The following GALNT13 variants were observed in gnomAD, a reference collection of about 807,000 sequenced individuals.
The protein encoded by GALNT13 is polypeptide N-acetylgalactosaminyltransferase 13.
In GALNT13, 28 loss-of-function variants were observed where a neutral mutation model predicts 64.2. That is an observed-to-expected ratio of 0.44 (90% CI 0.32 to 0.60). The LOEUF is 0.60. Ranked by LOEUF, GALNT13 falls within the 20% of genes least tolerant of loss-of-function variation. The pLI, the probability that GALNT13 is intolerant of heterozygous loss-of-function variation, is 0.05. For missense variants in GALNT13, 577 were observed against 669.8 expected, an observed-to-expected ratio of 0.86 and a Z score of 1.53; for synonymous variants, 214 against 224.6, an observed-to-expected ratio of 0.95 and a Z score of 0.42.
chr2:154,442,546 A>G (rs758829920), intron 12 of GALNT13, among the ~76,000 whole-genome samples: 2 of 152,106 alleles, frequency 1.3e-5, no homozygotes, highest in East Asian at 1.9e-4. Context: ...CTTCTGTGCC[A>G]TGAAATGCCT....
At chr2:153,239,988 A>G in the GALNT13 span, among the ~76,000 whole-genome samples, 1 of 152,122 alleles carries the variant, frequency 6.6e-6, no homozygotes, top group Non-Finnish European at 1.5e-5. Context: ...TACAGCGCCA[A>G]TCTCATTACT....
At chr2:153,512,983 TA>T in the GALNT13 span, among the ~76,000 whole-genome samples, 1 of 152,032 alleles carries the variant, frequency 6.6e-6, no homozygotes, top group East Asian at 1.9e-4. Flanking sequence ...TTTGCTAATT[TA>T]AAAAAAATTC....
chr2:153,838,424 A>G, the GALNT13 span, among the ~76,000 whole-genome samples: 1 of 151,974 alleles, frequency 6.6e-6, no homozygotes, highest in East Asian at 1.9e-4. Flanking sequence ...TAGTTTTTGT[A>G]TGTGGTGTAA....
At chr2:154,194,247 A>G (rs1686758338) in intron 4 of GALNT13, among the ~76,000 whole-genome samples, 1 of 152,182 alleles carries the variant, frequency 6.6e-6, no homozygotes, top group African/African-American at 2.4e-5. Flanking sequence ...GTTTTTATTA[A>G]TTACAAGTTA....
chr2:153,996,244 A>G (rs1164425470), intron 3 of GALNT13, among the ~76,000 whole-genome samples: 1 of 152,108 alleles, frequency 6.6e-6, no homozygotes, highest in Non-Finnish European at 1.5e-5. Flanking sequence ...TTTTTGAGGA[A>G]CTTCTATACT....
chr2:153,231,662 A>AT, the GALNT13 span, among the ~76,000 whole-genome samples: 1 of 151,910 alleles, frequency 6.6e-6, no homozygotes, highest in Non-Finnish European at 1.5e-5. Flanking sequence ...TGTTACGTTT[A>AT]TTTTTTTCTT....
At chr2:153,565,196 C>T in the GALNT13 span, among the ~76,000 whole-genome samples, 1 of 151,980 alleles carries the variant, frequency 6.6e-6, no homozygotes, top group South Asian at 2.1e-4. Flanking sequence ...TATTATGCAT[C>T]CATAGAAAAC....
At chr2:153,360,713 T>C in the GALNT13 span, among the ~76,000 whole-genome samples, 1 of 151,960 alleles carries the variant, frequency 6.6e-6, no homozygotes, top group Non-Finnish European at 1.5e-5. Context: ...GACAGAATTT[T>C]GATCTCCCTG....
At chr2:153,857,562 T>C in the GALNT13 span, among the ~76,000 whole-genome samples, 1 of 152,284 alleles carries the variant, frequency 6.6e-6, no homozygotes, top group East Asian at 1.9e-4. Flanking sequence ...TTTAACCACT[T>C]AGATCAAAGG....
chr2:153,403,477 C>G, the GALNT13 span, among the ~76,000 whole-genome samples: 1 of 152,194 alleles, frequency 6.6e-6, no homozygotes, highest in Non-Finnish European at 1.5e-5. Context: ...TTCCTGGCTG[C>G]TTTGTTTACC....
intron 3 of GALNT13, among the ~76,000 whole-genome samples, chr2:154,044,958 AGCTG>A (rs146667380): frequency 0.049 from 7,395 of 152,212 alleles, 238 homozygotes; most frequent in South Asian, 0.11. Context: ...ATTAGATTTT[AGCTG>A]GGCCTAGGAG....
chr2:153,944,334 T>C, intron 2 of GALNT13, 60 bp from the exon 3 acceptor site: 2 of 577,766 alleles, frequency 3.5e-6, no homozygotes, highest in Non-Finnish European at 6.0e-6. Context: ...ATGTTATATG[T>C]TCTTTATCCA....
the GALNT13 span, among the ~76,000 whole-genome samples, chr2:153,658,093 C>T: frequency 6.6e-6 from 1 of 151,974 alleles, no homozygotes; most frequent in Non-Finnish European, 1.5e-5. Flanking sequence ...CATTCAAGAC[C>T]CCTTCTCAGG....
chr2:154,349,937 A>G (rs1696297111), intron 9 of GALNT13, among the ~76,000 whole-genome samples: 1 of 152,242 alleles, frequency 6.6e-6, no homozygotes, highest in Non-Finnish European at 1.5e-5. Flanking sequence ...GAATCTAGCC[A>G]TTAGACTGTG....
At chr2:154,041,396 T>G (rs1233367859) in intron 3 of GALNT13, among the ~76,000 whole-genome samples, 1 of 140,582 alleles carries the variant, frequency 7.1e-6, no homozygotes, top group Non-Finnish European at 1.6e-5. Flanking sequence ...GAGATTAGTG[T>G]AGAAATATGC....
chr2:154,452,101 T>A lies in GALNT13; in HGVS notation c.*1550T>A, dbSNP rs954946121. Reference sequence around the variant, plus strand: ...TGGTATTCCTTCCTCTTTTGACTTTTTATTGGTACAACTGTAGGGAAGAAT... The same window carrying A: ...TGGTATTCCTTCCTCTTTTGACTTTATATTGGTACAACTGTAGGGAAGAAT... On this transcript the variant is annotated 3_prime_UTR_variant, in exon 13 of 13. Transcript: ENST00000392825. The A allele has an allele frequency of 7.2e-5, 11 of 152,172 alleles. No homozygotes were observed. The highest frequency in any genetic ancestry group is 1.5e-4 in the Non-Finnish European group (10 of 68,042). 9.4% of individuals were successfully genotyped at this position (152,172 alleles called of 1,614,324 possible). A position where few individuals can be genotyped will look rare whatever the true frequency, so the allele number is the denominator to read the frequency against.
At chr2:153,532,383 A>G in the GALNT13 span, among the ~76,000 whole-genome samples, 11 of 152,140 alleles carry the variant, frequency 7.2e-5, no homozygotes, top group Non-Finnish European at 1.5e-4. Flanking sequence ...CCAAGGCTGC[A>G]TGAGACAGCA....
At chr2:153,721,604 G>A in the GALNT13 span, among the ~76,000 whole-genome samples, 111 of 149,630 alleles carry the variant, frequency 7.4e-4, 3 homozygotes, top group Middle Eastern at 6.8e-3. Flanking sequence ...CAAAATAAAA[G>A]GATGGAGGAA....
At chr2:154,387,959 G>C (rs1207403882) in intron 9 of GALNT13, among the ~76,000 whole-genome samples, 1 of 152,142 alleles carries the variant, frequency 6.6e-6, no homozygotes, top group Non-Finnish European at 1.5e-5. Context: ...ACAGTGTCAT[G>C]TGGTAGTTCT....
Sources: gnomAD v4.1 joint callset for allele counts (sites outside exome capture counted in the v4.1 genomes callset) on GRCh38, gnomAD v4.1.1 for gene constraint, MANE v1.5 for transcripts, NCBI Gene and HGNC (gene_info 2026-07-23, HGNC 2026-07-21) for gene names.